OLFML2B: variants seen among roughly 807,000 people sequenced by gnomAD.
OLFML2B encodes the protein olfactomedin like 2B, also known as olfactomedin-like protein 2B.
Under a neutral mutation model 74.9 loss-of-function variants are expected in OLFML2B, and 57 were observed. The observed-to-expected ratio is 0.76, with a 90% CI of 0.61 to 0.95. OLFML2B has a LOEUF of 0.95. OLFML2B is among the 40% of genes least tolerant of loss of function. The pLI is 0.00. For missense variants in OLFML2B, 986 were observed against 970.6 expected, an observed-to-expected ratio of 1.02 and a Z score of -0.21; for synonymous variants, 388 against 405.8, an observed-to-expected ratio of 0.96 and a Z score of 0.53.
intron 3 of OLFML2B, among the ~76,000 whole-genome samples, chr1:162,016,470 A>T (rs761055122): frequency 6.6e-6 from 1 of 152,212 alleles, no homozygotes; most frequent in Non-Finnish European, 1.5e-5. Context: ...CTTTTTCATA[A>T]GGAATATTGA....
chr1:161,989,436 A>G (rs1418276891), intron 6 of OLFML2B, among the ~76,000 whole-genome samples: 1 of 152,234 alleles, frequency 6.6e-6, no homozygotes, highest in East Asian at 1.9e-4. Flanking sequence ...TTCAGATTCA[A>G]GAACATAAAA....
intron 6 of OLFML2B, among the ~76,000 whole-genome samples, chr1:161,990,742 G>T (rs1009792541): frequency 1.3e-5 from 2 of 152,184 alleles, no homozygotes; most frequent in African/African-American, 4.8e-5. Flanking sequence ...TTTCATGAAA[G>T]ATTTCTCTGT....
chr1:162,013,822 G>A (rs1002058433), intron 3 of OLFML2B, among the ~76,000 whole-genome samples: 2 of 149,884 alleles, frequency 1.3e-5, no homozygotes, highest in African/African-American at 4.9e-5. Context: ...CAATAAAAAT[G>A]AATGAACCAC....
intron 6 of OLFML2B, among the ~76,000 whole-genome samples, chr1:161,989,622 C>G (rs762812902): frequency 2.6e-5 from 4 of 152,072 alleles, no homozygotes; most frequent in Non-Finnish European, 5.9e-5. Flanking sequence ...GAAGGGCTGC[C>G]CTTCATTTAA....
chr1:162,017,967 T>A (rs1463530735), intron 2 of OLFML2B, among the ~76,000 whole-genome samples: 1 of 152,134 alleles, frequency 6.6e-6, no homozygotes, highest in African/African-American at 2.4e-5. Flanking sequence ...AAAAATGAGA[T>A]CATGTCTTTT....
chr1:161,995,014 C>T (rs1201555806), intron 6 of OLFML2B, among the ~76,000 whole-genome samples: 1 of 152,156 alleles, frequency 6.6e-6, no homozygotes, highest in African/African-American at 2.4e-5. Context: ...CAGCCAAAAG[C>T]TTTTTAATTT....
In OLFML2B at chr1:161,983,907, C is replaced by T. The variant is rs863224950; in HGVS notation, c.2021G>A (p.Gly674Asp). 6 of 1,614,098 alleles carry T rather than the reference C, an allele frequency of 3.7e-6. No homozygotes were observed. The highest frequency in any genetic ancestry group is 2.2e-5 in the South Asian group (2 of 91,090). ...CACCCCACAGATGACGAAGCAGTTGCCGTAGAAATTCCTCCGGAGCCCCGT... is the reference window on the plus strand; with the variant it reads ...CACCCCACAGATGACGAAGCAGTTGTCGTAGAAATTCCTCCGGAGCCCCGT... ...WRTGLRRNFY[G>D]NCFVICGVLY... Residue 674 changes from glycine to aspartate, a missense_variant, in exon 8 of 8, where the codon GGC (glycine) becomes GAC (aspartate). Transcript: ENST00000294794.
chr1:161,990,885 T>C (rs1689721351), intron 6 of OLFML2B, among the ~76,000 whole-genome samples: 1 of 152,234 alleles, frequency 6.6e-6, no homozygotes, highest in African/African-American at 2.4e-5. Flanking sequence ...TGTTGCCATT[T>C]CAACAGTGAT....
At chr1:161,995,050 C>G (rs1324381575) in intron 6 of OLFML2B, among the ~76,000 whole-genome samples, 1 of 152,194 alleles carries the variant, frequency 6.6e-6, no homozygotes, top group African/African-American at 2.4e-5. Context: ...GATGTCATCA[C>G]ATCACGGTCT....
Position 161,984,799 on chromosome 1 carries a change from T to C in OLFML2B, c.1651+5A>G, listed in dbSNP as rs1689539347. 2 of 1,613,258 alleles carry C rather than the reference T, an allele frequency of 1.2e-6. No individual in the cohort carries two copies. Among genetic ancestry groups the C allele is most frequent in the Non-Finnish European group, 1.7e-6 (2 of 1,179,540 alleles). On this transcript the variant is annotated splice_donor_5th_base_variant and intron_variant, in intron 7 of 7. Coordinates refer to ENST00000294794, the MANE Select transcript of OLFML2B (RefSeq NM_015441.3). The stretch of plus-strand genomic sequence containing the variant: ...AGCAGTCTGGGTTGGATCTTTATCA[T>C]GTACCTTGTTTGAAGTTCTCCAGGT...
chr1:161,997,341 C>T (rs1367560149), intron 6 of OLFML2B, among the ~76,000 whole-genome samples: 1 of 152,136 alleles, frequency 6.6e-6, no homozygotes, highest in Non-Finnish European at 1.5e-5. Context: ...TTTCTATGCT[C>T]TCCATGGGTG....
chr1:161,986,396 G>T (rs1040818570), intron 6 of OLFML2B, among the ~76,000 whole-genome samples: 1 of 152,238 alleles, frequency 6.6e-6, no homozygotes, highest in Admixed American at 6.5e-5. Context: ...GGAGCAAGCA[G>T]CTGGGCCCTT....
Position 162,007,157 on chromosome 1 carries a change from A to G in OLFML2B, c.547-684T>C, listed in dbSNP as rs150774086. Among the ~76,000 whole-genome samples, 7 of 152,324 alleles carry G rather than the reference A, an allele frequency of 4.6e-5. No homozygotes were observed. The East Asian group carries it at 1.3e-3, about 29-fold the overall frequency. On this transcript the variant is annotated intron_variant, in intron 3 of 7. Coordinates refer to ENST00000294794, the MANE Select transcript of OLFML2B (RefSeq NM_015441.3). ...ATCAAGGCTACATTTCATTCAACCA[A>G]CACTGGTGAGTACCTCTTGAGTGTC...
chr1:162,010,962 T>C (rs1690362647), intron 3 of OLFML2B, among the ~76,000 whole-genome samples: 2 of 151,866 alleles, frequency 1.3e-5, no homozygotes, highest in Non-Finnish European at 2.9e-5. Context: ...TTGAGGCATG[T>C]GGGTGAAGCT....
At chr1:162,003,952 CTGATGAA>C (rs1321254327) in intron 4 of OLFML2B, among the ~76,000 whole-genome samples, 1 of 152,180 alleles carries the variant, frequency 6.6e-6, no homozygotes, top group Non-Finnish European at 1.5e-5. Flanking sequence ...CTTCAGCAGC[CTGATGAA>C]TGGGGACTGG....
rs560194481 is a variant in OLFML2B, at chr1:162,019,813, C to T, written c.438+106G>A. The T allele has an allele frequency of 9.9e-4, 1,381 of 1,399,218 alleles. 6 individuals carry two copies. Among genetic ancestry groups the T allele is most frequent in the Middle Eastern group, 1.3e-3 (5 of 3,860 alleles). 86.7% of individuals were successfully genotyped at this position (1,399,218 alleles called of 1,614,324 possible). ...CACACACAGCACTCTAGGGAACAGG[C>T]CTGACCTTCTTCAAAGGGCTTAGAA... is the stretch of plus-strand genomic sequence containing the variant. On this transcript the variant is annotated intron_variant, in intron 2 of 7. Coordinates refer to ENST00000294794, the MANE Select transcript of OLFML2B (RefSeq NM_015441.3).
intron 6 of OLFML2B, among the ~76,000 whole-genome samples, chr1:161,991,736 AAAT>A (rs922643968): frequency 1.3e-5 from 2 of 152,242 alleles, no homozygotes; most frequent in African/African-American, 4.8e-5. Flanking sequence ...ATTCTGTCTC[AAAT>A]AATAATTTCT....
chr1:162,020,608 C>T (rs1358648621), intron 1 of OLFML2B, among the ~76,000 whole-genome samples: 1 of 151,798 alleles, frequency 6.6e-6, no homozygotes, highest in Non-Finnish European at 1.5e-5. Context: ...CTCACTGCAA[C>T]CTCCACCTCC....
chr1:162,020,711 C>T (rs1690680002), intron 1 of OLFML2B, among the ~76,000 whole-genome samples: 1 of 152,030 alleles, frequency 6.6e-6, no homozygotes, highest in Non-Finnish European at 1.5e-5. Context: ...TTTTCAGTTT[C>T]ACCATGTTTG....
Sources: gnomAD v4.1 joint callset for allele counts (sites outside exome capture counted in the v4.1 genomes callset) on GRCh38, gnomAD v4.1.1 for gene constraint, MANE v1.5 for transcripts, NCBI Gene and HGNC (gene_info 2026-07-23, HGNC 2026-07-21) for gene names.